ADCY8: variants seen among roughly 807,000 people sequenced by gnomAD.
The protein encoded by ADCY8 is adenylate cyclase 8.
A neutral mutation model predicts 119.7 loss-of-function variants in ADCY8; 51 were observed. The ratio of observed to expected loss-of-function variants is 0.43; its 90% CI spans 0.34 to 0.54. ADCY8 has a LOEUF of 0.54. Among genes scored for constraint, ADCY8 ranks in the 20% least tolerant of loss-of-function variants. The pLI is 0.03. For missense variants in ADCY8, 1,383 were observed against 1,598.8 expected (o/e 0.87, Z 2.30); for synonymous variants, 665 against 651.0 (o/e 1.02, Z -0.33).
At chr8:130,998,232 G>A (rs1822839975) in intron 1 of ADCY8, among the ~76,000 whole-genome samples, 1 of 152,156 alleles carries the variant, frequency 6.6e-6, no homozygotes, top group East Asian at 1.9e-4. Flanking sequence ...TAAGTAGGAT[G>A]GAAAGTGATG....
rs559758167 is a variant in ADCY8, at chr8:130,909,833, G to A, written c.1515C>T (p.Asp505=). ...AGCCGGAGTGGATTCCAATCCTCATGTCAACATCGTGTTTTGTCCTTGACC... is the reference window on the plus strand; with the variant it reads ...AGCCGGAGTGGATTCCAATCCTCATATCAACATCGTGTTTTGTCCTTGACC... ...YVRSRTKHDV[D]MRIGIHSGSV... Residue 505 remains aspartate (D), a synonymous_variant, in exon 6 of 18, where the codon GAC becomes GAT. Coordinates refer to ENST00000286355, the MANE Select transcript of ADCY8 (RefSeq NM_001115.3). The A allele has an allele frequency of 6.2e-7, 1 of 1,614,066 alleles. No individual in the cohort carries two copies. The highest frequency in any genetic ancestry group is 8.5e-7 in the Non-Finnish European group (1 of 1,180,010).
intron 8 of ADCY8, among the ~76,000 whole-genome samples, chr8:130,876,781 A>G (rs1306256429): frequency 6.6e-6 from 1 of 152,096 alleles, no homozygotes; most frequent in Admixed American, 6.6e-5. Flanking sequence ...TTTGGTCTCT[A>G]TGGTATATTT....
intron 7 of ADCY8, among the ~76,000 whole-genome samples, chr8:130,890,053 G>A (rs532892692): frequency 1.1e-4 from 16 of 152,028 alleles, no homozygotes; most frequent in Middle Eastern, 3.4e-3. Context: ...CTGAGTCTCC[G>A]GCACCTGGTA....
intron 7 of ADCY8, among the ~76,000 whole-genome samples, chr8:130,900,738 G>A (rs979619498): frequency 1.3e-5 from 2 of 152,158 alleles, no homozygotes; most frequent in Non-Finnish European, 2.9e-5. Context: ...GTGTCTTCTT[G>A]TTCCTTAATT....
intron 10 of ADCY8, 151 bp downstream of exon 10, chr8:130,849,450 TC>T (rs1817441649): frequency 1.3e-6 from 1 of 762,720 alleles, no homozygotes; most frequent in African/African-American, 1.8e-5. Context: ...AGTAGCCACA[TC>T]TTTGTTATCT....
intron 7 of ADCY8, among the ~76,000 whole-genome samples, chr8:130,901,242 CTTTTTTTTTTTT>C (rs34424673): frequency 6.1e-5 from 7 of 115,582 alleles, no homozygotes; most frequent in Admixed American, 1.9e-4. Flanking sequence ...CATCCCTCCT[CTTTTTTTTTTTT>C]TTTTTTTTTA....
At chr8:130,901,000 A>G (rs1021492606) in intron 7 of ADCY8, among the ~76,000 whole-genome samples, 2 of 152,126 alleles carry the variant, frequency 1.3e-5, no homozygotes, top group African/African-American at 4.8e-5. Context: ...TCTATCATCG[A>G]CGCAGTTCCA....
chr8:130,852,559 AC>A (rs772161667), intron 9 of ADCY8, among the ~76,000 whole-genome samples: 1 of 152,172 alleles, frequency 6.6e-6, no homozygotes, highest in Non-Finnish European at 1.5e-5. Context: ...GAGGAAACCA[AC>A]GAGTATAAAA....
rs1438930368 is a variant in ADCY8, at chr8:130,780,426, G to A, written c.3720C>T (p.Ala1240=). The change falls in exon 18 of 18, where the codon GCC becomes GCT. Residue 1240 remains alanine (A), a synonymous_variant. Coordinates refer to ENST00000286355, the MANE Select transcript of ADCY8 (RefSeq NM_001115.3). ...LLSPSGTEPG[A]QAEGTDKSDL... is the part of the protein sequence containing the mutation. ...CAGATTTGTCGGTGCCTTCAGCCTG[G>A]GCTCCAGGCTCTGTGCCGCTGGGTG... 2 of 1,601,762 alleles carry A rather than the reference G, an allele frequency of 1.2e-6. No homozygotes were observed. The highest frequency in any genetic ancestry group is 1.7e-6 in the Non-Finnish European group (2 of 1,173,386).
chr8:130,789,868 A>G (rs1232045788), intron 15 of ADCY8, among the ~76,000 whole-genome samples: 1 of 152,186 alleles, frequency 6.6e-6, no homozygotes, highest in African/African-American at 2.4e-5. Context: ...CTACTGACTC[A>G]GAAACTCTCG....
At chr8:130,856,185 C>G (rs1000760022) in intron 9 of ADCY8, among the ~76,000 whole-genome samples, 1 of 151,978 alleles carries the variant, frequency 6.6e-6, no homozygotes, top group African/African-American at 2.4e-5. Flanking sequence ...TTTTGCCTCA[C>G]CCCAACTCCC....
chr8:130,941,579 GT>G (rs765734667), intron 4 of ADCY8, among the ~76,000 whole-genome samples: 2 of 152,160 alleles, frequency 1.3e-5, no homozygotes, highest in Non-Finnish European at 2.9e-5. Flanking sequence ...TGGTATACAT[GT>G]TTTCCCCCAG....
intron 2 of ADCY8, among the ~76,000 whole-genome samples, chr8:130,983,909 G>T (rs902223711): frequency 6.6e-6 from 1 of 152,168 alleles, no homozygotes; most frequent in Non-Finnish European, 1.5e-5. Flanking sequence ...CAAATGAATG[G>T]GAGACTTGGC....
At chr8:130,994,077 C>A (rs12680529) in intron 1 of ADCY8, among the ~76,000 whole-genome samples, 26,952 of 152,148 alleles carry the variant, frequency 0.18, 4,768 homozygotes, top group African/African-American at 0.46. Context: ...ATACCCATCA[C>A]GTAGAGTTTG....
intron 2 of ADCY8, among the ~76,000 whole-genome samples, chr8:130,954,339 T>C (rs1430851741): frequency 6.6e-6 from 1 of 151,978 alleles, no homozygotes; most frequent in African/African-American, 2.4e-5. Context: ...ACAAGAAAGC[T>C]ATTCATTCAC....
chr8:130,869,508 A>T (rs5026641), intron 8 of ADCY8, among the ~76,000 whole-genome samples: 78,825 of 136,228 alleles, frequency 0.58, 22,505 homozygotes, highest in African/African-American at 0.72. Context: ...TATTTTGTTT[A>T]TTTTTTTTTG....
At chr8:130,887,456 T>A (rs1190466100) in intron 7 of ADCY8, among the ~76,000 whole-genome samples, 4 of 152,178 alleles carry the variant, frequency 2.6e-5, no homozygotes, top group African/African-American at 9.6e-5. Flanking sequence ...TTCTTGCCCA[T>A]GTAGTTATTT....
Position 130,952,018 on chromosome 8 carries a change from A to T in ADCY8, c.1111-20T>A. On this transcript the variant is annotated intron_variant, in intron 2 of 17. Transcript: ENST00000286355. ...CCGCTCCTGGAACAAATGAAGAGGG[A>T]CGGTCCTGTTAGGCTGACCAGCGAG... The T allele has an allele frequency of 6.2e-7, 1 of 1,613,540 alleles. No individual in the cohort carries two copies. Among genetic ancestry groups the T allele is most frequent in the South Asian group, 1.1e-5 (1 of 91,068 alleles).
chr8:130,880,933 A>G (rs957278638), intron 8 of ADCY8, among the ~76,000 whole-genome samples: 4 of 152,220 alleles, frequency 2.6e-5, no homozygotes, highest in Non-Finnish European at 5.9e-5. Context: ...CATTTCACAG[A>G]TAAAGAATCC....
Sources: allele counts gnomAD v4.1 joint callset (sites outside exome capture counted in the v4.1 genomes callset), GRCh38; gene constraint gnomAD v4.1.1; transcripts MANE v1.5; gene names NCBI Gene and HGNC (gene_info 2026-07-23, HGNC 2026-07-21).